Variants in ZNF543 observed in about 807,000 individuals in gnomAD.
ZNF543 encodes the protein zinc finger protein 543.
In ZNF543, 10 loss-of-function variants were observed where a neutral mutation model predicts 13.4. The observed-to-expected ratio is 0.75, with a 90% CI of 0.46 to 1.26. The LOEUF is 1.26. ZNF543 is among the 50% of genes most tolerant of loss of function. The pLI, the probability that ZNF543 is intolerant of heterozygous loss-of-function variation, is 0.00. For synonymous variants in ZNF543, 272 were observed against 264.7 expected, an observed-to-expected ratio of 1.03 and a Z score of -0.27; for missense variants, 768 against 741.2, an observed-to-expected ratio of 1.04 and a Z score of -0.42.
intron 3 of ZNF543, 56 bp from the exon 4 acceptor site, chr19:57,327,648 G>GT (rs1462611783): frequency 6.5e-7 from 1 of 1,534,090 alleles, no homozygotes; most frequent in African/African-American, 1.4e-5. Context: ...CCTGGCCTTT[G>GT]TTTTTTCTAT....
rs752853832 is a variant in ZNF543 at position 57,328,132 on chromosome 19, G to A, written c.670G>A (p.Val224Met). The A allele has an allele frequency of 1.2e-6, 2 of 1,614,100 alleles. No homozygotes were observed. The highest frequency in any genetic ancestry group is 2.2e-5 in the East Asian group (1 of 44,896). ...TCAGCATGAACGGATTCACACTCAA[G>A]TGAAGCCCTATGAATGCACAGAGTG... ...LVQHERIHTQVKPYECTECGK... is the reference protein window; with the variant it reads ...LVQHERIHTQMKPYECTECGK... Residue 224 changes from valine (V) to methionine (M), a missense_variant, in exon 4 of 4, where the codon GTG becomes ATG. Val to Met is a conservative substitution (Grantham distance 21). This residue lies in a region of ZNF543 where 677 missense variants were observed against 631.4 expected (regional missense o/e 1.07). Transcript: ENST00000321545.
In ZNF543 at chr19:57,328,946, C is replaced by G. The variant is rs148383106; in HGVS notation, c.1484C>G (p.Thr495Arg). 1.2e-6 allele frequency: 2 copies of G among 1,613,840 alleles called. No homozygotes were observed. The highest frequency in any genetic ancestry group is 2.7e-5 in the African/African-American group (2 of 74,818). Residue 495 changes from threonine to arginine, a missense_variant, in exon 4 of 4, where the codon ACG (threonine) becomes AGG (arginine). Physicochemically the swap from Thr to Arg is moderately conservative, Grantham distance 71. This residue lies in a region of ZNF543 where 677 missense variants were observed against 631.4 expected (regional missense o/e 1.07). Coordinates refer to ENST00000321545, the MANE Select transcript of ZNF543 (RefSeq NM_213598.4). ...GKAFNRSSHL[T>R]RHQQIHTGEK... ...GCCTTCAACCGCAGCTCACACCTCA[C>G]GAGGCACCAACAGATTCACACTGGA...
intron 2 of ZNF543, among the ~76,000 whole-genome samples, chr19:57,324,677 G>C (rs888086839): frequency 2.6e-5 from 4 of 152,182 alleles, no homozygotes; most frequent in South Asian, 2.1e-4. Context: ...TTATCTGCCT[G>C]AGCCTCGATC....
chr19:57,324,311 A>C (rs2088108204), intron 2 of ZNF543, among the ~76,000 whole-genome samples: 1 of 149,576 alleles, frequency 6.7e-6, no homozygotes, highest in African/African-American at 2.5e-5. Context: ...AGATCTCATC[A>C]CTACACTCCA....
At position 57,326,725 on chromosome 19, in the gene ZNF543, C is replaced by T; in HGVS notation, c.238C>T (p.Pro80Ser). The T allele has an allele frequency of 6.2e-7, 1 of 1,613,292 alleles. No individual in the cohort carries two copies. Reference sequence around the variant, plus strand: ...AAAAGACCTCTCCCAAAGCTCCTATCCAGGTAGGAGCCAACAGCTGGGAAG... The same window carrying T: ...AAAAGACCTCTCCCAAAGCTCCTATTCAGGTAGGAGCCAACAGCTGGGAAG... ...ATKDLSQSSY[P>S]GDNTKPKTTE... is the part of the protein sequence containing the mutation. The change falls in exon 3 of 4, where the codon CCA becomes TCA. Residue 80 changes from proline (P) to serine (S), a missense_variant. This residue lies in a region of ZNF543 where 14 missense variants were observed against 34.3 expected (regional missense o/e 0.41). Transcript: ENST00000321545.
chr19:57,320,714 T>G lies in ZNF543; in HGVS notation c.-140T>G. 3.7e-6 allele frequency: 4 copies of G among 1,091,788 alleles called. No individual in the cohort carries two copies. The highest frequency in any genetic ancestry group is 1.3e-6 in the Non-Finnish European group (1 of 784,876). The allele number at this position is 1,091,788 out of a possible 1,614,324, so 67.6% of individuals were successfully genotyped here. A position where few individuals can be genotyped will look rare whatever the true frequency, so the allele number is the denominator to read the frequency against. Reference sequence around the variant, plus strand: ...TCCTCAGCCCCGACGCTGCGCCCGCTTTGTGCGCATTTTTCTCTGGGGAAA... The same window carrying G: ...TCCTCAGCCCCGACGCTGCGCCCGCGTTGTGCGCATTTTTCTCTGGGGAAA... On this transcript the variant is annotated 5_prime_UTR_variant, in exon 1 of 4. Coordinates refer to ENST00000321545, the MANE Select transcript of ZNF543 (RefSeq NM_213598.4).
rs1422823568 is a variant in ZNF543, at chr19:57,329,038, T to TC, written c.1578dup (p.Ile527HisfsTer10). ...CCGGAGCGCAAACCTTATTCGACAC[T>TC]CCATCATTCACACTGGAGAGAAGCC... On this transcript the variant is annotated frameshift_variant, in exon 4 of 4. Coordinates refer to ENST00000321545, the MANE Select transcript of ZNF543 (RefSeq NM_213598.4). LOFTEE classifies it low-confidence loss of function (END_TRUNC). The TC allele has an allele frequency of 1.7e-5, 28 of 1,613,752 alleles. 1 individual carries two copies. Among genetic ancestry groups the TC allele is most frequent in the Non-Finnish European group, 8.5e-7 (1 of 1,179,962 alleles).
chr19:57,329,171 G>C lies in ZNF543; in HGVS notation c.1709G>C (p.Arg570Thr). Residue 570 changes from arginine (R) to threonine (T), a missense_variant, in exon 4 of 4, where the codon AGA (arginine) becomes ACA (threonine). Physicochemically the swap from Arg to Thr is moderately conservative, Grantham distance 71. This residue lies in a region of ZNF543 where 677 missense variants were observed against 631.4 expected (regional missense o/e 1.07). Coordinates refer to ENST00000321545, the MANE Select transcript of ZNF543 (RefSeq NM_213598.4). ...RNPTIVTDVG[R>T]PFMTAQTSVN... Reference sequence around the variant, plus strand: ...CCTACCATTGTAACAGATGTGGGAAGACCTTTTATGACTGCACAGACTTCA... The same window carrying C: ...CCTACCATTGTAACAGATGTGGGAACACCTTTTATGACTGCACAGACTTCA... 19 of 1,614,222 alleles carry C rather than the reference G, an allele frequency of 1.2e-5. No homozygotes were observed. The highest frequency in any genetic ancestry group is 1.6e-5 in the Non-Finnish European group (19 of 1,180,038).
At chr19:57,323,051 T>C (rs1026394897) in intron 1 of ZNF543, among the ~76,000 whole-genome samples, 3 of 152,010 alleles carry the variant, frequency 2.0e-5, no homozygotes, top group African/African-American at 7.2e-5. Context: ...GCTGGTGTTG[T>C]TTTTGTTATT....
chr19:57,328,895 C>A lies in ZNF543; in HGVS notation c.1433C>A (p.Pro478His). Residue 478 changes from proline (P) to histidine (H), a missense_variant, in exon 4 of 4, where the codon CCC (proline) becomes CAC (histidine). Pro to His is a moderately conservative substitution (Grantham distance 77). Around this residue, in one of 3 missense-constraint regions of ZNF543, gnomAD observed 677 missense variants for 631.4 expected, o/e 1.07. Coordinates refer to ENST00000321545, the MANE Select transcript of ZNF543 (RefSeq NM_213598.4). ...RHFSIHTGEK[P>H]YECVECGKAF... ...TTCAGCATCCACACTGGAGAGAAAC[C>A]CTATGAGTGCGTGGAGTGTGGAAAG... is the stretch of plus-strand genomic sequence containing the variant. 1.2e-6 allele frequency: 2 copies of A among 1,614,096 alleles called. No homozygotes were observed. Among genetic ancestry groups the A allele is most frequent in the Non-Finnish European group, 8.5e-7 (1 of 1,180,026 alleles).
intron 2 of ZNF543, among the ~76,000 whole-genome samples, chr19:57,324,470 CCT>C (rs2088109587): frequency 6.6e-6 from 1 of 152,072 alleles, no homozygotes; most frequent in South Asian, 2.1e-4. Flanking sequence ...GCAATTGTGA[CCT>C]CTGTTGCTGT....
Position 57,329,512 on chromosome 19 carries a change from ATAT to A in ZNF543, c.*249_*251del. ...TTTACAGTGAAATATTATCTCAGGG[ATAT>A]TTTTTTTTTTTTTTTGAGACGGAGT... On this transcript the variant is annotated 3_prime_UTR_variant, in exon 4 of 4. Coordinates refer to ENST00000321545, the MANE Select transcript of ZNF543 (RefSeq NM_213598.4). The A allele has an allele frequency of 4.1e-5, 16 of 390,016 alleles. No individual in the cohort carries two copies. Among genetic ancestry groups the A allele is most frequent in the East Asian group, 2.1e-4 (5 of 23,394 alleles). 24.2% of individuals were successfully genotyped at this position (390,016 alleles called of 1,614,324 possible). A position where few individuals can be genotyped will look rare whatever the true frequency, so the allele number is the denominator to read the frequency against.
intron 1 of ZNF543, among the ~76,000 whole-genome samples, chr19:57,322,805 T>A (rs909369636): frequency 6.6e-6 from 1 of 152,110 alleles, no homozygotes. Context: ...CTATTCTTGG[T>A]GAAGTGGAAA....
intron 1 of ZNF543, among the ~76,000 whole-genome samples, chr19:57,322,252 C>T (rs1172456203): frequency 6.6e-6 from 1 of 152,152 alleles, no homozygotes; most frequent in Non-Finnish European, 1.5e-5. Flanking sequence ...GTGTCCGAGG[C>T]AGCAGATGCA....
intron 1 of ZNF543, among the ~76,000 whole-genome samples, chr19:57,322,482 C>G (rs1265929679): frequency 1.6e-5 from 2 of 128,548 alleles, no homozygotes; most frequent in Admixed American, 7.6e-5. Context: ...GACCCTGTCT[C>G]AAAAAAAAAA....
rs560636145 is a variant in ZNF543 at position 57,324,205 on chromosome 19, G to A, written c.145+397G>A. Among the ~76,000 whole-genome samples, 43 of 152,160 alleles carry A rather than the reference G, an allele frequency of 2.8e-4. 1 individual carries two copies. The highest frequency in any genetic ancestry group is 2.4e-3 in the Admixed American group (36 of 15,270). On this transcript the variant is annotated intron_variant, in intron 2 of 3. Transcript: ENST00000321545. ...TCTCTACTAAAAATACAAAAAATTAGCCGGGTGTGATGGCGGGTGCCTGTA... is the reference window on the plus strand; with the variant it reads ...TCTCTACTAAAAATACAAAAAATTAACCGGGTGTGATGGCGGGTGCCTGTA...
Position 57,328,005 on chromosome 19 carries a change from T to C in ZNF543, c.543T>C (p.Cys181=). 1.2e-6 allele frequency: 2 copies of C among 1,614,192 alleles called. No individual in the cohort carries two copies. The highest frequency in any genetic ancestry group is 1.7e-6 in the Non-Finnish European group (2 of 1,180,044). ...QVSTEGDLYE[C]DSHGPVTDAL... ...CAACAGAAGGTGATCTCTATGAATG[T>C]GATTCACATGGACCAGTTACAGATG... The change falls in exon 4 of 4, where the codon TGT becomes TGC. Residue 181 remains cysteine, a synonymous_variant. Transcript: ENST00000321545.
chr19:57,328,460 A>C lies in ZNF543; in HGVS notation c.998A>C (p.His333Pro), dbSNP rs1348999676. ...GGTTTCATTCGACACTACATCATCCACACGGGAGAGAAGCCCTATGAGTGC... is the reference window on the plus strand; with the variant it reads ...GGTTTCATTCGACACTACATCATCCCCACGGGAGAGAAGCCCTATGAGTGC... ...RPGFIRHYII[H>P]TGEKPYECIE... The change falls in exon 4 of 4, where the codon CAC becomes CCC. Residue 333 changes from histidine to proline, a missense_variant. By Grantham distance (77) the His-to-Pro change is moderately conservative. Transcript: ENST00000321545. 6.2e-7 allele frequency: 1 copy of C among 1,614,036 alleles called. No homozygotes were observed. Among genetic ancestry groups the C allele is most frequent in the Non-Finnish European group, 8.5e-7 (1 of 1,180,032 alleles).
rs762957212 is a variant in ZNF543, at chr19:57,328,928, A to G, written c.1466A>G (p.Asn489Ser). The change falls in exon 4 of 4, where the codon AAC (asparagine) becomes AGC (serine). Residue 489 changes from asparagine (N) to serine (S), a missense_variant. By Grantham distance (46) the Asn-to-Ser change is conservative (BLOSUM62 1). Coordinates refer to ENST00000321545, the MANE Select transcript of ZNF543 (RefSeq NM_213598.4). The part of the protein sequence containing the change: ...YECVECGKAF[N>S]RSSHLTRHQQ... ...TGCGTGGAGTGTGGAAAGGCCTTCA[A>G]CCGCAGCTCACACCTCACGAGGCAC... is the stretch of plus-strand genomic sequence containing the variant. 1.1e-5 allele frequency: 17 copies of G among 1,613,694 alleles called. No homozygotes were observed. The African/African-American group carries it at 1.2e-4, about 11-fold the overall frequency.
Sources: gnomAD v4.1 joint callset for allele counts (sites outside exome capture counted in the v4.1 genomes callset) on GRCh38, gnomAD v4.1.1 for gene constraint, gnomAD v4.1.1 regional missense constraint, MANE v1.5 for transcripts, NCBI Gene and HGNC (gene_info 2026-07-23, HGNC 2026-07-21) for gene names.